PSIP1: variants seen among roughly 807,000 people sequenced by gnomAD.
The protein encoded by PSIP1 is PC4 and SFRS1-interacting protein.
Under a neutral mutation model 74.7 loss-of-function variants are expected in PSIP1, and 19 were observed. That is an observed-to-expected ratio of 0.25 (90% CI 0.18 to 0.37). The LOEUF is 0.37. Among genes scored for constraint, PSIP1 ranks in the 10% least tolerant of loss-of-function variants. The pLI is 1.00. For missense variants in PSIP1, 601 were observed against 614.3 expected (o/e 0.98, Z 0.23); for synonymous variants, 222 against 195.3 (o/e 1.14, Z -1.14).
intron 6 of PSIP1, among the ~76,000 whole-genome samples, chr9:15,485,057 A>C (rs1439821241): frequency 1.3e-5 from 2 of 152,150 alleles, no homozygotes; most frequent in Admixed American, 1.3e-4. Flanking sequence ...GCACTACTCT[A>C]GCCTATGTGA....
chr9:15,487,534 T>C (rs1203110847), intron 4 of PSIP1, among the ~76,000 whole-genome samples: 2 of 152,010 alleles, frequency 1.3e-5, no homozygotes, highest in Non-Finnish European at 2.9e-5. Flanking sequence ...AGGCAGAGGT[T>C]GCAGCGAGAC....
intron 5 of PSIP1, 106 bp from the exon 6 acceptor site, chr9:15,486,174 A>T (rs2036550588): frequency 2.2e-6 from 2 of 926,786 alleles, no homozygotes; most frequent in African/African-American, 3.3e-5. Flanking sequence ...AGCATTGGGG[A>T]AATCTGTTTT....
At chr9:15,501,620 A>G (rs1349462748) in intron 3 of PSIP1, among the ~76,000 whole-genome samples, 4 of 152,070 alleles carry the variant, frequency 2.6e-5, no homozygotes, top group Non-Finnish European at 5.9e-5. Context: ...ATAGGTTTTT[A>G]TAAATATCAT....
chr9:15,487,327 G>C (rs2036599130), intron 4 of PSIP1, among the ~76,000 whole-genome samples: 1 of 152,126 alleles, frequency 6.6e-6, no homozygotes, highest in Non-Finnish European at 1.5e-5. Context: ...GGGCACTGTG[G>C]CTCACACCTG....
intron 5 of PSIP1, 140 bp downstream of exon 5, chr9:15,486,687 A>T (rs1026174472): frequency 4.7e-6 from 3 of 643,566 alleles, no homozygotes; most frequent in Non-Finnish European, 5.4e-6. Flanking sequence ...TATTTACACA[A>T]GGAAATAAGC....
chr9:15,501,234 T>C (rs771726862), intron 3 of PSIP1, among the ~76,000 whole-genome samples: 1 of 151,986 alleles, frequency 6.6e-6, no homozygotes, highest in Non-Finnish European at 1.5e-5. Flanking sequence ...GGACAGCAAA[T>C]GCATAATCAA....
chr9:15,501,349 C>T (rs970098285), intron 3 of PSIP1, among the ~76,000 whole-genome samples: 1 of 151,460 alleles, frequency 6.6e-6, no homozygotes, highest in African/African-American at 2.4e-5. Flanking sequence ...AGACAAGGTC[C>T]CTGCTGATCC....
intron 3 of PSIP1, among the ~76,000 whole-genome samples, chr9:15,502,245 T>C (rs1192574416): frequency 6.6e-6 from 1 of 152,132 alleles, no homozygotes; most frequent in Non-Finnish European, 1.5e-5. Context: ...TGCTATATAG[T>C]TGTTACATTG....
intron 3 of PSIP1, among the ~76,000 whole-genome samples, chr9:15,492,632 G>A (rs1447480744): frequency 6.6e-6 from 1 of 152,164 alleles, no homozygotes; most frequent in African/African-American, 2.4e-5. Flanking sequence ...TGTCGGGGAT[G>A]CAACCCCACA....
chr9:15,482,894 C>G (rs2036397282), intron 6 of PSIP1, among the ~76,000 whole-genome samples: 1 of 152,136 alleles, frequency 6.6e-6, no homozygotes. Flanking sequence ...TGAAAGTATC[C>G]TAGAGCAGCC....
At chr9:15,469,891 C>A (rs145910924) in intron 11 of PSIP1, 47 bp downstream of exon 11, 19,826 of 1,487,858 alleles carry the variant, frequency 0.013, 173 homozygotes, top group Non-Finnish European at 0.016. Context: ...TATATAACTT[C>A]TTTTCCATGT....
At chr9:15,509,438 T>C (rs2037749091) in intron 2 of PSIP1, among the ~76,000 whole-genome samples, 1 of 152,232 alleles carries the variant, frequency 6.6e-6, no homozygotes, top group South Asian at 2.1e-4. Context: ...TCTGTACCAC[T>C]AGATGTGAAC....
At chr9:15,504,359 G>T (rs1451737776) in intron 3 of PSIP1, among the ~76,000 whole-genome samples, 1 of 152,008 alleles carries the variant, frequency 6.6e-6, no homozygotes, top group African/African-American at 2.4e-5. Context: ...ATTTATATAT[G>T]AAAATCCTTT....
chr9:15,508,460 C>G lies in PSIP1; in HGVS notation c.72+1657G>C, dbSNP rs1022313110. ...TGTTAAATAAGGAAAACACTCTGGT[C>G]TTCCAAAGGCTACCCTATTTTATTT... On this transcript the variant is annotated intron_variant, in intron 2 of 15. Transcript: ENST00000380733. Among the ~76,000 whole-genome samples, 5 of 152,192 alleles carry G rather than the reference C, an allele frequency of 3.3e-5. No homozygotes were observed. In the East Asian group the frequency reaches 9.6e-4, roughly 29 times the overall value.
intron 3 of PSIP1, among the ~76,000 whole-genome samples, chr9:15,492,470 T>C (rs2036877123): frequency 6.6e-6 from 1 of 152,214 alleles, no homozygotes. Flanking sequence ...TCTGCCCCTA[T>C]GGTTTTGCAT....
At chr9:15,476,585 C>T (rs2036091545) in intron 8 of PSIP1, among the ~76,000 whole-genome samples, 1 of 152,152 alleles carries the variant, frequency 6.6e-6, no homozygotes, top group African/African-American at 2.4e-5. Context: ...TAGCTGCAAT[C>T]CTTAAGAATT....
chr9:15,484,911 CAAAAAAAAAAAA>C (rs59867087), intron 6 of PSIP1, among the ~76,000 whole-genome samples: 1 of 81,890 alleles, frequency 1.2e-5, no homozygotes, highest in African/African-American at 4.5e-5. Context: ...AGATCCGTCT[CAAAAAAAAAAAA>C]AAAAAAAAAA....
rs959485207 is a variant in PSIP1 at position 15,468,410 on chromosome 9, T to G, written c.1420+220A>C. ...GAGTCATCTGCCTCATGAGCAATGGTTTCTGCCTTAGAAGTCGAATATAAA... is the reference window on the plus strand; with the variant it reads ...GAGTCATCTGCCTCATGAGCAATGGGTTCTGCCTTAGAAGTCGAATATAAA... On this transcript the variant is annotated intron_variant, in intron 14 of 15. Coordinates refer to ENST00000380733, the MANE Select transcript of PSIP1 (RefSeq NM_033222.5). 9 of 668,170 alleles carry G rather than the reference T, an allele frequency of 1.3e-5. No homozygotes were observed. The African/African-American group carries it at 1.8e-4, about 13-fold the overall frequency. 41.4% of individuals were successfully genotyped at this position (668,170 alleles called of 1,614,324 possible).
chr9:15,493,699 C>G (rs79962470), intron 3 of PSIP1, among the ~76,000 whole-genome samples: 2,090 of 152,222 alleles, frequency 0.014, 40 homozygotes, highest in African/African-American at 0.048. Flanking sequence ...TCACAGGGAC[C>G]CAGGAGAGGG....
Sources: allele counts gnomAD v4.1 joint callset (sites outside exome capture counted in the v4.1 genomes callset), GRCh38; gene constraint gnomAD v4.1.1; transcripts MANE v1.5; gene names NCBI Gene and HGNC (gene_info 2026-07-23, HGNC 2026-07-21).